The following ERBB4 variants were observed in gnomAD, a reference collection of about 807,000 sequenced individuals.
ERBB4 encodes erb-b2 receptor tyrosine kinase 4.
ERBB4 carries 42 observed loss-of-function variants against 158.0 expected under a neutral mutation model. That is an observed-to-expected ratio of 0.27 (90% CI 0.21 to 0.34). ERBB4 has a LOEUF of 0.34. Ranked by LOEUF, ERBB4 falls within the 10% of genes least tolerant of loss-of-function variation. The pLI is 1.00. For missense variants in ERBB4, 1,333 were observed against 1,624.1 expected (o/e 0.82, Z 3.08); for synonymous variants, 583 against 558.7 (o/e 1.04, Z -0.61).
chr2:211,648,192 T>C (rs1182429656), intron 16 of ERBB4, among the ~76,000 whole-genome samples: 1 of 151,840 alleles, frequency 6.6e-6, no homozygotes, highest in African/African-American at 2.4e-5. Flanking sequence ...CTCATAAAAT[T>C]TGTTCCATTT....
chr2:211,973,857 TA>T (rs200034367), intron 2 of ERBB4, among the ~76,000 whole-genome samples: 1,689 of 151,682 alleles, frequency 0.011, 27 homozygotes, highest in African/African-American at 0.038. Context: ...ATAGACTGGA[TA>T]AAAAAAATGT....
intron 20 of ERBB4, among the ~76,000 whole-genome samples, chr2:211,453,271 G>C (rs2064295852): frequency 1.3e-5 from 2 of 152,112 alleles, no homozygotes; most frequent in African/African-American, 4.8e-5. Flanking sequence ...TAAAGTTTAA[G>C]TTATCTCAAG....
intron 19 of ERBB4, among the ~76,000 whole-genome samples, chr2:211,570,349 T>G (rs1471971561): frequency 9.1e-6 from 1 of 109,892 alleles, no homozygotes; most frequent in East Asian, 3.3e-4. Flanking sequence ...TTTTTCTCAG[T>G]AGAGACAAGG....
intron 1 of ERBB4, among the ~76,000 whole-genome samples, chr2:212,176,925 T>A (rs1395319233): frequency 2.0e-5 from 3 of 151,972 alleles, no homozygotes; most frequent in Admixed American, 2.0e-4. Flanking sequence ...GTTATGAAGA[T>A]CTTTGAGATA....
chr2:211,735,763 T>C (rs1266465274), intron 5 of ERBB4, among the ~76,000 whole-genome samples: 1 of 152,040 alleles, frequency 6.6e-6, no homozygotes, highest in Non-Finnish European at 1.5e-5. Flanking sequence ...GAGGAAACCA[T>C]TTAAAAGAGT....
chr2:212,348,120 CA>C (rs963751010), intron 1 of ERBB4, among the ~76,000 whole-genome samples: 3 of 151,906 alleles, frequency 2.0e-5, no homozygotes, highest in African/African-American at 7.3e-5. Context: ...AACTTTCCTC[CA>C]AAAATGTCAC....
At chr2:211,600,299 T>C (rs540770185) in intron 19 of ERBB4, among the ~76,000 whole-genome samples, 1 of 152,104 alleles carries the variant, frequency 6.6e-6, no homozygotes, top group Non-Finnish European at 1.5e-5. Context: ...GAGTGAAGGT[T>C]TTAAGGTCGT....
intron 13 of ERBB4, among the ~76,000 whole-genome samples, chr2:211,677,611 AC>A (rs1252251839): frequency 6.6e-6 from 1 of 151,674 alleles, no homozygotes; most frequent in African/African-American, 2.4e-5. Flanking sequence ...GCAGTGGCTT[AC>A]GCCTGTAATC....
chr2:212,371,856 G>A (rs999427150), intron 1 of ERBB4, among the ~76,000 whole-genome samples: 1 of 152,142 alleles, frequency 6.6e-6, no homozygotes, highest in Non-Finnish European at 1.5e-5. Context: ...AAGCATGAAA[G>A]TGATGAAGAG....
At chr2:211,898,277 T>C (rs2079150986) in intron 3 of ERBB4, among the ~76,000 whole-genome samples, 1 of 152,178 alleles carries the variant, frequency 6.6e-6, no homozygotes, top group South Asian at 2.1e-4. Context: ...TCTAAGATAG[T>C]TTAATCATTT....
chr2:211,980,966 G>A (rs1030816717), intron 2 of ERBB4, among the ~76,000 whole-genome samples: 4 of 152,126 alleles, frequency 2.6e-5, no homozygotes, highest in South Asian at 2.1e-4. Flanking sequence ...GGGAGCAGCC[G>A]TGTCATCTCG....
intron 4 of ERBB4, chr2:211,779,837 C>A (rs1345562505): frequency 1.3e-5 from 2 of 152,170 alleles, no homozygotes; most frequent in African/African-American, 4.8e-5. Flanking sequence ...CTATGACTCT[C>A]TCGATAAGAT....
chr2:212,491,463 A>G (rs2106201604), intron 1 of ERBB4, among the ~76,000 whole-genome samples: 2 of 151,726 alleles, frequency 1.3e-5, no homozygotes, highest in East Asian at 3.9e-4. Context: ...CCTTTGTACC[A>G]TAAAAGGAAA....
chr2:211,803,063 T>G (rs1252807823), intron 3 of ERBB4, among the ~76,000 whole-genome samples: 1 of 152,224 alleles, frequency 6.6e-6, no homozygotes, highest in African/African-American at 2.4e-5. Flanking sequence ...AGTGTAGAAG[T>G]TCATTTATTT....
chr2:212,240,320 C>G (rs1416528516), intron 1 of ERBB4, among the ~76,000 whole-genome samples: 1 of 152,034 alleles, frequency 6.6e-6, no homozygotes, highest in Non-Finnish European at 1.5e-5. Context: ...AGGTGCCCTT[C>G]CTATTCTCTA....
chr2:211,577,044 A>G (rs971664369), intron 19 of ERBB4, among the ~76,000 whole-genome samples: 4 of 152,204 alleles, frequency 2.6e-5, no homozygotes, highest in African/African-American at 9.7e-5. Context: ...GAGGTTACTC[A>G]GATATATAAT....
chr2:211,419,393 G>A (rs1286595479), intron 25 of ERBB4, among the ~76,000 whole-genome samples: 1 of 152,054 alleles, frequency 6.6e-6, no homozygotes, highest in Non-Finnish European at 1.5e-5. Flanking sequence ...AATTATGTTT[G>A]TTAGATAATG....
intron 20 of ERBB4, among the ~76,000 whole-genome samples, chr2:211,476,957 G>A (rs905336322): frequency 1.3e-5 from 2 of 152,050 alleles, no homozygotes; most frequent in African/African-American, 4.8e-5. Context: ...TATATGTGAT[G>A]GCTAATTTTG....
chr2:211,690,137 G>A (rs1201405583), intron 12 of ERBB4, among the ~76,000 whole-genome samples: 1 of 150,674 alleles, frequency 6.6e-6, no homozygotes, highest in Non-Finnish European at 1.5e-5. Flanking sequence ...TATAGCAGTT[G>A]TCTTAAGTTA....
Sources: gnomAD v4.1 joint callset for allele counts (sites outside exome capture counted in the v4.1 genomes callset) on GRCh38, gnomAD v4.1.1 for gene constraint, MANE v1.5 for transcripts, NCBI Gene and HGNC (gene_info 2026-07-23, HGNC 2026-07-21) for gene names.